Variants in KMT2C observed in about 807,000 individuals in gnomAD.
The protein encoded by KMT2C is lysine methyltransferase 2C, also known as histone-lysine N-methyltransferase 2C.
Under a neutral mutation model 507.9 loss-of-function variants are expected in KMT2C, and 88 were observed. The ratio of observed to expected loss-of-function variants is 0.17; its 90% CI spans 0.15 to 0.21. The LOEUF (loss-of-function observed/expected upper bound fraction) is 0.21. Ranked by LOEUF, KMT2C falls within the 10% of genes least tolerant of loss-of-function variation. The pLI, the probability that KMT2C is intolerant of heterozygous loss-of-function variation, is 1.00. For synonymous variants in KMT2C, 2,049 were observed against 2,080.8 expected (o/e 0.98, Z 0.42); for missense variants, 4,954 against 5,957.8 (o/e 0.83, Z 5.55).
intron 6 of KMT2C, among the ~76,000 whole-genome samples, chr7:152,279,075 T>A (rs796338813): frequency 3.0e-4 from 45 of 152,112 alleles, no homozygotes; most frequent in African/African-American, 9.6e-4. Context: ...AATGTCCACA[T>A]ATTTTAAAAA....
chr7:152,346,930 A>G (rs922236135), intron 2 of KMT2C, among the ~76,000 whole-genome samples: 5 of 152,170 alleles, frequency 3.3e-5, no homozygotes, highest in African/African-American at 7.2e-5. Flanking sequence ...ATAAGAGACC[A>G]TCCTGGCTAA....
chr7:152,237,555 T>C (rs572882607), intron 15 of KMT2C, among the ~76,000 whole-genome samples: 212 of 152,346 alleles, frequency 1.4e-3, no homozygotes, highest in African/African-American at 4.3e-3. Context: ...TGGAGTGCAA[T>C]GGTGCGATCT....
intron 4 of KMT2C, among the ~76,000 whole-genome samples, chr7:152,312,828 T>C (rs748309268): frequency 3.3e-5 from 5 of 152,190 alleles, no homozygotes; most frequent in Non-Finnish European, 5.9e-5. Flanking sequence ...CCTAATATCA[T>C]AGTATTTAAC....
intron 1 of KMT2C, among the ~76,000 whole-genome samples, chr7:152,417,513 A>T (rs2097751518): frequency 6.6e-6 from 1 of 152,242 alleles, no homozygotes; most frequent in South Asian, 2.1e-4. Context: ...GGTAACAAAC[A>T]GATACAGATT....
At chr7:152,398,444 A>G (rs1482143736) in intron 1 of KMT2C, among the ~76,000 whole-genome samples, 3 of 152,228 alleles carry the variant, frequency 2.0e-5, no homozygotes, top group African/African-American at 4.8e-5. Flanking sequence ...ATAAGTACAT[A>G]CACATACATA....
chr7:152,364,105 T>C lies in KMT2C; in HGVS notation c.162-5430A>G, dbSNP rs947165772. On this transcript the variant is annotated intron_variant, in intron 1 of 58. Coordinates refer to ENST00000262189, the MANE Select transcript of KMT2C (RefSeq NM_170606.3). ...GAGCTGACAAATAAGTCTCAACTTA[T>C]CCTGAGAGTGACTCTGTATGAAAAA... Among the ~76,000 whole-genome samples the C allele has an allele frequency of 3.3e-5, 5 of 152,258 alleles. No individual in the cohort carries two copies. In the South Asian group the frequency reaches 1.0e-3, roughly 32 times the overall value.
At chr7:152,294,964 A>G (rs1292226681) in intron 6 of KMT2C, among the ~76,000 whole-genome samples, 2 of 152,192 alleles carry the variant, frequency 1.3e-5, no homozygotes, top group African/African-American at 4.8e-5. Flanking sequence ...AAAACTGTCT[A>G]TGATTCCTAC....
chr7:152,367,376 C>G, intron 1 of KMT2C: 3 of 708,070 alleles, frequency 4.2e-6, no homozygotes, highest in Non-Finnish European at 7.4e-6. Context: ...CCAGGGGCAC[C>G]CCCGGCTGGC....
chr7:152,160,851 T>C (rs73730365), intron 43 of KMT2C, among the ~76,000 whole-genome samples: 1,895 of 152,152 alleles, frequency 0.012, 39 homozygotes, highest in African/African-American at 0.044. Context: ...ATTTAAATAA[T>C]GTTAAGTGGT....
intron 6 of KMT2C, among the ~76,000 whole-genome samples, chr7:152,306,942 T>C (rs1166665870): frequency 6.6e-6 from 1 of 152,150 alleles, no homozygotes; most frequent in Non-Finnish European, 1.5e-5. Context: ...GAGTATCGCT[T>C]AAGCTCAGGA....
At chr7:152,370,183 G>C (rs1294580997) in intron 1 of KMT2C, among the ~76,000 whole-genome samples, 1 of 150,122 alleles carries the variant, frequency 6.7e-6, no homozygotes, top group Admixed American at 6.6e-5. Context: ...AACGGAGGGA[G>C]ACTCCGTCTC....
intron 20 of KMT2C, among the ~76,000 whole-genome samples, chr7:152,223,672 T>C (rs978259535): frequency 9.9e-5 from 15 of 152,086 alleles, no homozygotes; most frequent in Non-Finnish European, 1.2e-4. Context: ...CATGCACCTG[T>C]AGTCCCAGAT....
At chr7:152,270,741 G>C (rs561003881) in intron 7 of KMT2C, among the ~76,000 whole-genome samples, 25 of 152,144 alleles carry the variant, frequency 1.6e-4, no homozygotes, top group Admixed American at 5.9e-4. Context: ...GATTTTTAGG[G>C]TAAAATTTCC....
chr7:152,222,109 G>C (rs200575962), intron 21 of KMT2C, 43 bp from the exon 22 acceptor site: 1 of 1,374,246 alleles, frequency 7.3e-7, no homozygotes, highest in Non-Finnish European at 1.0e-6. Flanking sequence ...TTTCAGAAAA[G>C]GTAAAGTGTA....
intron 1 of KMT2C, among the ~76,000 whole-genome samples, chr7:152,420,125 G>C (rs2097769079): frequency 6.6e-6 from 1 of 152,234 alleles, no homozygotes; most frequent in South Asian, 2.1e-4. Context: ...ATAATACACA[G>C]CAGATTCTCA....
chr7:152,273,933 G>A (rs2096025295), intron 6 of KMT2C, 66 bp from the exon 7 acceptor site: 8 of 1,560,348 alleles, frequency 5.1e-6, no homozygotes, highest in Non-Finnish European at 7.0e-6. Flanking sequence ...AATATAAGCT[G>A]GGAAGGTATA....
At chr7:152,141,712 CAAAAAAA>C (rs1249621681) in intron 55 of KMT2C, among the ~76,000 whole-genome samples, 1 of 61,872 alleles carries the variant, frequency 1.6e-5, no homozygotes, top group Non-Finnish European at 3.5e-5. Context: ...GACTCTGTCT[CAAAAAAA>C]AAAAAAAAAA....
In KMT2C at chr7:152,205,098, T is replaced by A. The variant is rs188125260; in HGVS notation, c.3961+8A>T. On this transcript the variant is annotated splice_region_variant and intron_variant, in intron 25 of 58. Transcript: ENST00000262189. ...AAAAAAAAATTTTTTTTTAAGTCAG[T>A]ACTATACCATCATCTCTGCAAGGTA... is the stretch of plus-strand genomic sequence containing the variant. The A allele has an allele frequency of 6.2e-7, 1 of 1,601,472 alleles. No individual in the cohort carries two copies. The highest frequency in any genetic ancestry group is 1.7e-5 in the Admixed American group (1 of 59,128).
At chr7:152,321,805 G>T (rs577998595) in intron 3 of KMT2C, among the ~76,000 whole-genome samples, 2 of 151,972 alleles carry the variant, frequency 1.3e-5, no homozygotes, top group Non-Finnish European at 2.9e-5. Flanking sequence ...TATGTTCATG[G>T]ACTGGAAGAA....
Sources: gnomAD v4.1 joint callset for allele counts (sites outside exome capture counted in the v4.1 genomes callset) on GRCh38, gnomAD v4.1.1 for gene constraint, MANE v1.5 for transcripts, NCBI Gene and HGNC (gene_info 2026-07-23, HGNC 2026-07-21) for gene names.